RBPJ: variants seen among roughly 807,000 people sequenced by gnomAD.
The protein encoded by RBPJ is recombination signal binding protein for immunoglobulin kappa J region.
A neutral mutation model predicts 67.8 loss-of-function variants in RBPJ; 9 were observed. That is an observed-to-expected ratio of 0.13 (90% CI 0.08 to 0.23). The LOEUF is 0.23. Among genes scored for constraint, RBPJ ranks in the 10% least tolerant of loss-of-function variants. RBPJ has a pLI of 1.00. For synonymous variants in RBPJ, 198 were observed against 203.3 expected, an observed-to-expected ratio of 0.97 and a Z score of 0.22; for missense variants, 305 against 595.6, an observed-to-expected ratio of 0.51 and a Z score of 5.08.
At chr4:26,392,980 C>CTAGAT (rs1011413188) in intron 2 of RBPJ, among the ~76,000 whole-genome samples, 7 of 152,058 alleles carry the variant, frequency 4.6e-5, no homozygotes, top group Non-Finnish European at 8.8e-5. Flanking sequence ...GTCACCCAGG[C>CTAGAT]TAGAGTACAG....
chr4:26,360,447 A>G (rs979150329), intron 1 of RBPJ, among the ~76,000 whole-genome samples: 18 of 152,170 alleles, frequency 1.2e-4, no homozygotes, highest in African/African-American at 3.4e-4. Flanking sequence ...TCTAGTGCCT[A>G]TTGTGTTGCG....
chr4:26,221,888 C>G (rs1431846830), intron 1 of RBPJ, among the ~76,000 whole-genome samples: 1 of 152,156 alleles, frequency 6.6e-6, no homozygotes, highest in Non-Finnish European at 1.5e-5. Context: ...GTCCCCACTC[C>G]CAATGTGCGG....
intron 2 of RBPJ, among the ~76,000 whole-genome samples, chr4:26,387,618 G>A (rs971163560): frequency 4.6e-5 from 7 of 152,180 alleles, no homozygotes; most frequent in Non-Finnish European, 7.3e-5. Context: ...TAGCAGGGCT[G>A]CAAAGTGGAG....
intron 1 of RBPJ, among the ~76,000 whole-genome samples, chr4:26,375,979 C>T (rs772151252): frequency 2.0e-5 from 3 of 152,076 alleles, no homozygotes; most frequent in Non-Finnish European, 4.4e-5. Context: ...GTTTTGACAA[C>T]TACTTGTCTG....
intron 1 of RBPJ, among the ~76,000 whole-genome samples, chr4:26,361,071 G>A (rs1728015807): frequency 6.6e-6 from 1 of 151,382 alleles, no homozygotes; most frequent in Non-Finnish European, 1.5e-5. Context: ...GTGTGTGTGT[G>A]TGTGTGTGTC....
the RBPJ span, among the ~76,000 whole-genome samples, chr4:26,114,501 A>G: frequency 0.051 from 7,409 of 144,544 alleles, 810 homozygotes; most frequent in African/African-American, 0.19. Flanking sequence ...ATATATATGT[A>G]TGTGTGTGTG....
At chr4:26,195,647 T>G (rs1577460165) in intron 1 of RBPJ, among the ~76,000 whole-genome samples, 1 of 152,160 alleles carries the variant, frequency 6.6e-6, no homozygotes, top group Non-Finnish European at 1.5e-5. Context: ...CAGGCTGGAG[T>G]GCAGTGGTGT....
intron 1 of RBPJ, among the ~76,000 whole-genome samples, chr4:26,184,204 A>G (rs973870101): frequency 6.6e-6 from 1 of 151,092 alleles, no homozygotes; most frequent in Non-Finnish European, 1.5e-5. Context: ...AAAGAAAGAA[A>G]AAAAATGTAT....
At chr4:26,306,438 A>AATTATTACT (rs1722241104) in intron 1 of RBPJ, among the ~76,000 whole-genome samples, 1 of 147,164 alleles carries the variant, frequency 6.8e-6, no homozygotes, top group Non-Finnish European at 1.5e-5. Context: ...TTATTTGGAG[A>AATTATTACT]ATTATTATTA....
In RBPJ at chr4:26,394,026, A is replaced by AT. The variant is rs5856942; in HGVS notation, c.59+7652dup. The stretch of plus-strand genomic sequence containing the variant: ...TACTATTCACTGTTACTATGGATTC[A>AT]TTTTTTTTTTTTTTTTTGAGAATGG... On this transcript the variant is annotated intron_variant, in intron 2 of 10. Coordinates refer to ENST00000355476, the MANE Select transcript of RBPJ (RefSeq NM_015874.6). Among the ~76,000 whole-genome samples, 1,083 of 131,830 alleles carry AT rather than the reference A, an allele frequency of 8.2e-3. 3 individuals carry two copies. Among genetic ancestry groups the AT allele is most frequent in the Admixed American group, 0.011 (139 of 12,808 alleles). 86.5% of individuals were successfully genotyped at this position (131,830 alleles called of 152,430 possible).
At chr4:26,254,833 A>T (rs1328263181) in intron 1 of RBPJ, among the ~76,000 whole-genome samples, 2 of 96,536 alleles carry the variant, frequency 2.1e-5, no homozygotes, top group Admixed American at 1.4e-4. Flanking sequence ...GCATGCCACC[A>T]TGCCCAGCTA....
intron 1 of RBPJ, among the ~76,000 whole-genome samples, chr4:26,354,167 G>T (rs1225198873): frequency 6.6e-6 from 1 of 151,730 alleles, no homozygotes; most frequent in Non-Finnish European, 1.5e-5. Context: ...TCCTGACCTC[G>T]TGATCCACCC....
At chr4:26,286,822 G>C (rs951495179) in intron 1 of RBPJ, among the ~76,000 whole-genome samples, 1 of 144,104 alleles carries the variant, frequency 6.9e-6, no homozygotes, top group Non-Finnish European at 1.5e-5. Context: ...GCCTCCCTCC[G>C]TCACCCAGGC....
At chr4:26,362,600 T>A (rs200470833) in intron 1 of RBPJ, 1 of 1,614,038 alleles carries the variant, frequency 6.2e-7, no homozygotes, top group East Asian at 2.2e-5. Flanking sequence ...CTTAACATGT[T>A]CTTGAAGTAC....
chr4:26,297,323 A>T (rs1390180346), intron 1 of RBPJ, among the ~76,000 whole-genome samples: 5 of 150,872 alleles, frequency 3.3e-5, no homozygotes, highest in African/African-American at 7.4e-5. Context: ...AAATAAATTT[A>T]AAAAATCACT....
At chr4:26,435,099 G>A (rs1436676331), downstream of RBPJ, 1 of 152,042 alleles carries the variant, frequency 6.6e-6, no homozygotes, top group African/African-American at 2.4e-5. Flanking sequence ...TAACTATATA[G>A]TGCTTTAAAG....
At chr4:26,375,812 C>T (rs1451780590) in intron 1 of RBPJ, among the ~76,000 whole-genome samples, 2 of 152,156 alleles carry the variant, frequency 1.3e-5, no homozygotes, top group Non-Finnish European at 2.9e-5. Context: ...ATGCTTGCTG[C>T]GTGCTCTCTG....
rs79698155 is a variant in RBPJ at position 26,203,419 on chromosome 4, G to T, written c.-167+39805G>T. 1.3e-3 allele frequency among the ~76,000 whole-genome samples: 192 copies of T among 152,146 alleles called. 1 individual carries two copies. Among genetic ancestry groups the T allele is most frequent in the African/African-American group, 4.4e-3 (182 of 41,494 alleles). On this transcript the variant is annotated intron_variant, in intron 1 of 4. Coordinates refer to the RBPJ transcript ENST00000512351. ...CCCTGACCACCCCACATACAGTAGG[G>T]TCTCCATACCCCTATCTCTCTGTCC... is the stretch of plus-strand genomic sequence containing the variant.
At chr4:26,241,696 G>A (rs1719642109) in intron 1 of RBPJ, among the ~76,000 whole-genome samples, 1 of 151,798 alleles carries the variant, frequency 6.6e-6, no homozygotes, top group African/African-American at 2.4e-5. Flanking sequence ...TATTTTAGTA[G>A]AGGCAGGGTT....
Sources: gnomAD v4.1 joint callset for allele counts (sites outside exome capture counted in the v4.1 genomes callset) on GRCh38, gnomAD v4.1.1 for gene constraint, MANE v1.5 for transcripts, NCBI Gene and HGNC (gene_info 2026-07-23, HGNC 2026-07-21) for gene names.